The following PHF21A variants were observed in gnomAD, a reference collection of about 807,000 sequenced individuals.
PHF21A encodes PHD finger protein 21A.
PHF21A carries 11 observed loss-of-function variants against 82.5 expected under a neutral mutation model. The ratio of observed to expected loss-of-function variants is 0.13; its 90% CI spans 0.08 to 0.22. PHF21A has a LOEUF of 0.22. PHF21A is among the 10% of genes least tolerant of loss of function. The probability of loss-of-function intolerance (pLI) is 1.00; values close to 1 mark genes in which losing one functional copy is unlikely to be tolerated. For missense variants in PHF21A, 579 were observed against 837.8 expected, an observed-to-expected ratio of 0.69 and a Z score of 3.81; for synonymous variants, 297 against 302.8, an observed-to-expected ratio of 0.98 and a Z score of 0.20.
chr11:45,933,537 TGTC>T lies in PHF21A; in HGVS notation c.*428_*430del. 1 of 158,070 alleles carries T rather than the reference TGTC, an allele frequency of 6.3e-6. No homozygotes were observed. The highest frequency in any genetic ancestry group is 1.4e-5 in the Non-Finnish European group (1 of 71,886). The allele number at this position is 158,070 out of a possible 1,614,324, so 9.8% of individuals were successfully genotyped here. On this transcript the variant is annotated 3_prime_UTR_variant, in exon 19 of 19. Transcript: ENST00000676320. Reference sequence around the variant, plus strand: ...GGAAAGCCCACACACTCTTTGGACTTGTCTTCTCTACCTAAACAAACGGCTCGG... The same window carrying T: ...GGAAAGCCCACACACTCTTTGGACTTTTCTCTACCTAAACAAACGGCTCGG...
chr11:45,956,001 A>G (rs2092607630), intron 10 of PHF21A, among the ~76,000 whole-genome samples: 1 of 152,250 alleles, frequency 6.6e-6, no homozygotes, highest in Non-Finnish European at 1.5e-5. Context: ...GCAGACCAGA[A>G]GGAAATGGGT....
At chr11:45,956,472 T>C in intron 10 of PHF21A, among the ~76,000 whole-genome samples, 1 of 152,192 alleles carries the variant, frequency 6.6e-6, no homozygotes, top group East Asian at 1.9e-4. Context: ...TTTTATTATT[T>C]ATTTATTTAT....
At chr11:46,016,672 T>C (rs182644733) in intron 6 of PHF21A, among the ~76,000 whole-genome samples, 1 of 152,236 alleles carries the variant, frequency 6.6e-6, no homozygotes, top group African/African-American at 2.4e-5. Context: ...ATTTGTAGCT[T>C]ATGTTTTTCT....
chr11:46,063,869 A>G (rs1172940751), intron 6 of PHF21A, among the ~76,000 whole-genome samples: 1 of 152,162 alleles, frequency 6.6e-6, no homozygotes, highest in East Asian at 1.9e-4. Flanking sequence ...ATCAGTTTTT[A>G]TGACAGATGT....
intron 1 of PHF21A, among the ~76,000 whole-genome samples, 182 bp downstream of exon 1, chr11:46,120,753 C>T (rs570176017): frequency 1.3e-5 from 2 of 151,798 alleles, no homozygotes; most frequent in East Asian, 3.9e-4. Context: ...TACCTCCCCC[C>T]ACAACAAACT....
chr11:46,048,601 C>T (rs766191435), intron 6 of PHF21A, among the ~76,000 whole-genome samples: 2 of 151,980 alleles, frequency 1.3e-5, no homozygotes, highest in African/African-American at 2.4e-5. Context: ...GAAACCCCAT[C>T]TCTACTAAAA....
chr11:45,969,702 T>C (rs1487677232), intron 9 of PHF21A, 113 bp downstream of exon 9: 2 of 683,056 alleles, frequency 2.9e-6, no homozygotes, highest in Non-Finnish European at 5.2e-6. Flanking sequence ...AATGTTTAGC[T>C]AAGCGGGATA....
intron 7 of PHF21A, among the ~76,000 whole-genome samples, chr11:45,975,477 T>C (rs186262987): frequency 9.8e-5 from 15 of 152,312 alleles, no homozygotes; most frequent in African/African-American, 3.4e-4. Context: ...CTGTTTTATA[T>C]TATTTTGCTG....
chr11:46,111,751 G>A (rs912448618), intron 1 of PHF21A, among the ~76,000 whole-genome samples: 10 of 152,208 alleles, frequency 6.6e-5, no homozygotes, highest in African/African-American at 2.2e-4. Flanking sequence ...AAAAATACAA[G>A]TTCAAGAGCC....
At chr11:46,114,107 A>ACG (rs1416875608) in intron 1 of PHF21A, among the ~76,000 whole-genome samples, 1 of 150,286 alleles carries the variant, frequency 6.7e-6, no homozygotes, top group East Asian at 2.0e-4. Flanking sequence ...ACACACACGC[A>ACG]CACATCCCCA....
At chr11:46,021,226 A>AT (rs1466023518) in intron 6 of PHF21A, among the ~76,000 whole-genome samples, 2 of 151,784 alleles carry the variant, frequency 1.3e-5, no homozygotes, top group Admixed American at 6.6e-5. Context: ...TGCCTGGCTA[A>AT]TTTTTTTTAT....
intron 6 of PHF21A, among the ~76,000 whole-genome samples, chr11:46,070,814 C>T (rs1054351348): frequency 3.3e-5 from 5 of 152,178 alleles, no homozygotes; most frequent in African/African-American, 9.7e-5. Context: ...CATGGACAAA[C>T]GGCAAATTCT....
chr11:46,041,181 A>G (rs1000994237), intron 6 of PHF21A, among the ~76,000 whole-genome samples: 10 of 152,198 alleles, frequency 6.6e-5, no homozygotes, highest in African/African-American at 2.2e-4. Context: ...TTTCAAATAC[A>G]GAAGCGGAAA....
rs150184344 is a variant in PHF21A at position 46,117,472 on chromosome 11, C to T, written c.-237+3463G>A. On this transcript the variant is annotated intron_variant, in intron 1 of 18. Coordinates refer to ENST00000676320, the MANE Select transcript of PHF21A (RefSeq NM_001352027.3). ...GTTCAAGAATCTCAGTCTTTGCAGGCTAACTTAAGTACATCAACCATATGT... is the reference window on the plus strand; with the variant it reads ...GTTCAAGAATCTCAGTCTTTGCAGGTTAACTTAAGTACATCAACCATATGT... 9.1e-3 allele frequency among the ~76,000 whole-genome samples: 1,382 copies of T among 152,240 alleles called. 60 individuals carry two copies. The highest frequency in any genetic ancestry group is 0.08 in the Admixed American group (1,215 of 15,282).
intron 6 of PHF21A, among the ~76,000 whole-genome samples, chr11:46,061,829 G>T (rs761596730): frequency 1.3e-5 from 2 of 152,010 alleles, no homozygotes; most frequent in African/African-American, 4.8e-5. Flanking sequence ...TCACTTTCTC[G>T]TTTGATGGAG....
intron 6 of PHF21A, among the ~76,000 whole-genome samples, chr11:45,982,645 A>G (rs917090718): frequency 6.6e-6 from 1 of 152,192 alleles, no homozygotes; most frequent in Non-Finnish European, 1.5e-5. Context: ...ACATTTAGAC[A>G]TTTAAAAATT....
rs2095356821 is a variant in PHF21A, at chr11:46,008,970, A to AC, written c.154-29005dup. On this transcript the variant is annotated intron_variant, in intron 6 of 18. Transcript: ENST00000676320. The stretch of plus-strand genomic sequence containing the variant: ...AACTCAACAAATTGGTTCACATTTC[A>AC]CTTTTTTTTTTTTTTTTTTTTTTGG... Among the ~76,000 whole-genome samples the AC allele has an allele frequency of 4.2e-5, 5 of 118,178 alleles. No individual in the cohort carries two copies. The Admixed American group carries it at 4.5e-4, about 11-fold the overall frequency. 77.5% of individuals were successfully genotyped at this position (118,178 alleles called of 152,430 possible).
At chr11:46,097,347 C>T (rs930484843) in intron 1 of PHF21A, among the ~76,000 whole-genome samples, 3 of 152,104 alleles carry the variant, frequency 2.0e-5, no homozygotes, top group East Asian at 1.9e-4. Flanking sequence ...CACTCGAAGC[C>T]GTCCCATCTC....
intron 6 of PHF21A, among the ~76,000 whole-genome samples, chr11:46,061,455 T>C (rs987711984): frequency 1.3e-5 from 2 of 152,222 alleles, no homozygotes; most frequent in African/African-American, 4.8e-5. Flanking sequence ...ATTATATAAA[T>C]AACATTAATT....
Sources: gnomAD v4.1 joint callset for allele counts (sites outside exome capture counted in the v4.1 genomes callset) on GRCh38, gnomAD v4.1.1 for gene constraint, MANE v1.5 for transcripts, NCBI Gene and HGNC (gene_info 2026-07-23, HGNC 2026-07-21) for gene names.